The following DOCK2 variants were observed in gnomAD, a reference collection of about 807,000 sequenced individuals.
DOCK2 encodes the protein dedicator of cytokinesis 2.
Under a neutral mutation model 248.9 loss-of-function variants are expected in DOCK2, and 87 were observed. That is an observed-to-expected ratio of 0.35 (90% CI 0.29 to 0.42). The LOEUF (loss-of-function observed/expected upper bound fraction) is 0.42. Ranked by LOEUF, DOCK2 falls within the 10% of genes least tolerant of loss-of-function variation. The pLI, the probability that DOCK2 is intolerant of heterozygous loss-of-function variation, is 1.00. For missense variants in DOCK2, 1,747 were observed against 2,300.2 expected (o/e 0.76, Z 4.92); for synonymous variants, 805 against 821.6 (o/e 0.98, Z 0.35).
At chr5:169,709,643 C>G (rs12658826) in intron 15 of DOCK2, among the ~76,000 whole-genome samples, 49,992 of 151,950 alleles carry the variant, frequency 0.33, 10,167 homozygotes, top group East Asian at 0.61. Flanking sequence ...ATCACTTGAA[C>G]CTGGGAGGCG....
chr5:169,877,889 C>T (rs1205445991), intron 27 of DOCK2, among the ~76,000 whole-genome samples: 5 of 152,146 alleles, frequency 3.3e-5, no homozygotes, highest in South Asian at 2.1e-4. Flanking sequence ...CACCGAAAAC[C>T]GTAAGGTTGC....
chr5:169,746,360 G>C (rs1412075956), intron 22 of DOCK2, among the ~76,000 whole-genome samples: 1 of 152,156 alleles, frequency 6.6e-6, no homozygotes, highest in African/African-American at 2.4e-5. Flanking sequence ...CAGTGCTGAG[G>C]GGGCTGTGAC....
intron 22 of DOCK2, among the ~76,000 whole-genome samples, chr5:169,738,888 G>A (rs1181212953): frequency 6.6e-6 from 1 of 152,182 alleles, no homozygotes; most frequent in East Asian, 1.9e-4. Context: ...TGCTCCTTCT[G>A]TTACCCTGTC....
intron 27 of DOCK2, among the ~76,000 whole-genome samples, chr5:169,916,245 G>A (rs534262866): frequency 4.0e-4 from 61 of 152,326 alleles, no homozygotes; most frequent in African/African-American, 1.4e-3. Context: ...CCTCTGAAAT[G>A]TGGGACAAAA....
At chr5:169,678,905 G>A (rs1006482562) in intron 6 of DOCK2, among the ~76,000 whole-genome samples, 4 of 152,188 alleles carry the variant, frequency 2.6e-5, no homozygotes, top group African/African-American at 9.7e-5. Flanking sequence ...AGACCAGCAG[G>A]AATTATTAGG....
At chr5:169,786,218 C>T (rs1482348586) in intron 25 of DOCK2, among the ~76,000 whole-genome samples, 2 of 152,110 alleles carry the variant, frequency 1.3e-5, no homozygotes, top group African/African-American at 4.8e-5. Flanking sequence ...AAATTATGAT[C>T]ACTCACTCTT....
rs138483896 is a variant in DOCK2, at chr5:169,796,998, C to T, written c.2555-6060C>T. Among the ~76,000 whole-genome samples, 279 of 152,294 alleles carry T rather than the reference C, an allele frequency of 1.8e-3. 1 individual carries two copies. The highest frequency in any genetic ancestry group is 6.8e-3 in the Middle Eastern group (2 of 294). ...GGAAGTTACTGAAGAATTTCCTGAC[C>T]ACAAGGGACTCCTGTGCAGGGAGCA... is the stretch of plus-strand genomic sequence containing the variant. On this transcript the variant is annotated intron_variant, in intron 25 of 51. Transcript: ENST00000520908.
chr5:169,939,104 CCG>C (rs1776123468), intron 27 of DOCK2, among the ~76,000 whole-genome samples: 3 of 151,962 alleles, frequency 2.0e-5, no homozygotes, highest in Non-Finnish European at 2.9e-5. Context: ...CGGGGTTTCA[CCG>C]CATTAGCCAG....
chr5:170,079,144 C>T lies in DOCK2; in HGVS notation c.5164C>T (p.Arg1722Trp), dbSNP rs777553364. The T allele has an allele frequency of 2.9e-5, 47 of 1,613,058 alleles. No individual in the cohort carries two copies. Among genetic ancestry groups the T allele is most frequent in the Non-Finnish European group, 3.8e-5 (45 of 1,179,858 alleles). ...AGCAGCTGCAGAGTCGGACCTGAAG[C>T]GGGTGAGTGGCTGAGGCAGATTGCC... ...EKAAAESDLK[R>W]LSRKHEFMSD... Residue 1722 changes from arginine to tryptophan, a missense_variant and splice_region_variant, in exon 49 of 52, where the codon CGG (arginine) becomes TGG (tryptophan). Around this residue, in one of 4 missense-constraint regions of DOCK2, gnomAD observed 513 missense variants for 586.1 expected, o/e 0.88. Transcript: ENST00000520908.
intron 26 of DOCK2, among the ~76,000 whole-genome samples, chr5:169,811,239 TC>T: frequency 6.6e-6 from 1 of 152,268 alleles, no homozygotes; most frequent in Non-Finnish European, 1.5e-5. Flanking sequence ...CTGAAGTGCA[TC>T]CCCTGTGGCC....
At chr5:169,978,665 T>C (rs1777825785) in intron 27 of DOCK2, among the ~76,000 whole-genome samples, 1 of 152,116 alleles carries the variant, frequency 6.6e-6, no homozygotes, top group Admixed American at 6.6e-5. Context: ...CTCTTTTCCT[T>C]TGGAGCTTCC....
chr5:169,701,451 T>A (rs1760964020), intron 13 of DOCK2, among the ~76,000 whole-genome samples: 1 of 152,228 alleles, frequency 6.6e-6, no homozygotes, highest in Non-Finnish European at 1.5e-5. Context: ...GTCCATGCTT[T>A]ACCTGAGACT....
intron 11 of DOCK2, among the ~76,000 whole-genome samples, chr5:169,698,852 C>G (rs890257192): frequency 1.3e-5 from 2 of 152,158 alleles, no homozygotes; most frequent in Non-Finnish European, 2.9e-5. Context: ...AGCAGCATTT[C>G]AGGAGCGTGT....
chr5:169,726,599 C>A (rs1762485622), intron 22 of DOCK2, among the ~76,000 whole-genome samples: 1 of 152,130 alleles, frequency 6.6e-6, no homozygotes, highest in Non-Finnish European at 1.5e-5. Flanking sequence ...TTAAATAGTT[C>A]TCTGTTCCCT....
intron 1 of DOCK2, among the ~76,000 whole-genome samples, chr5:169,640,851 C>A (rs1050133072): frequency 6.6e-6 from 1 of 152,210 alleles, no homozygotes; most frequent in African/African-American, 2.4e-5. Context: ...TCAAAATAAT[C>A]AATATGCCCT....
chr5:169,699,244 C>A, intron 11 of DOCK2, 138 bp from the exon 12 acceptor site: 2 of 600,066 alleles, frequency 3.3e-6, no homozygotes, highest in Non-Finnish European at 5.4e-6. Context: ...CTCTTGATGG[C>A]ATGTATATAC....
intron 27 of DOCK2, among the ~76,000 whole-genome samples, chr5:169,957,187 A>G (rs2113736900): frequency 6.6e-6 from 1 of 152,354 alleles, no homozygotes; most frequent in East Asian, 1.9e-4. Flanking sequence ...TACTCAATAA[A>G]TAATGGTGAA....
At chr5:169,925,300 C>T (rs1212283132) in intron 27 of DOCK2, among the ~76,000 whole-genome samples, 1 of 152,086 alleles carries the variant, frequency 6.6e-6, no homozygotes, top group Non-Finnish European at 1.5e-5. Flanking sequence ...GCAGGTAAGA[C>T]CCTAGGACAG....
chr5:169,840,905 A>G, intron 27 of DOCK2, 53 bp downstream of exon 27: 1 of 1,578,712 alleles, frequency 6.3e-7, no homozygotes, highest in Non-Finnish European at 8.6e-7. Flanking sequence ...AGCATCTAAA[A>G]ATGGATTTTC....
Sources: allele counts gnomAD v4.1 joint callset (sites outside exome capture counted in the v4.1 genomes callset), GRCh38; gene constraint gnomAD v4.1.1; regional missense constraint gnomAD v4.1.1; transcripts MANE v1.5; gene names NCBI Gene and HGNC (gene_info 2026-07-23, HGNC 2026-07-21).